The following PPM1H variants were observed in gnomAD, a reference collection of about 807,000 sequenced individuals.
PPM1H encodes protein phosphatase 1H.
Under a neutral mutation model 54.9 loss-of-function variants are expected in PPM1H, and 27 were observed. The ratio of observed to expected loss-of-function variants is 0.49; its 90% CI spans 0.36 to 0.68. The LOEUF (loss-of-function observed/expected upper bound fraction) is 0.68, where lower values mean the gene tolerates loss of function less well. Ranked by LOEUF, PPM1H falls within the 30% of genes least tolerant of loss-of-function variation. The pLI is 0.00. For synonymous variants in PPM1H, 305 were observed against 270.8 expected (o/e 1.13, Z -1.24); for missense variants, 596 against 667.8 (o/e 0.89, Z 1.19).
intron 1 of PPM1H, among the ~76,000 whole-genome samples, chr12:62,842,009 C>G (rs1039399032): frequency 6.6e-6 from 1 of 152,124 alleles, no homozygotes; most frequent in Non-Finnish European, 1.5e-5. Flanking sequence ...CCACCAATGT[C>G]CAACTTCCTT....
chr12:62,702,154 A>G (rs376500373), intron 6 of PPM1H, among the ~76,000 whole-genome samples: 3 of 152,208 alleles, frequency 2.0e-5, no homozygotes, highest in East Asian at 1.9e-4. Flanking sequence ...TACCTCTGAC[A>G]TATGTTTACC....
intron 1 of PPM1H, among the ~76,000 whole-genome samples, chr12:62,870,199 T>C (rs1057388703): frequency 2.0e-5 from 3 of 152,106 alleles, no homozygotes; most frequent in African/African-American, 4.8e-5. Flanking sequence ...AAAGCTGAGA[T>C]TGGAGATGCC....
intron 4 of PPM1H, among the ~76,000 whole-genome samples, chr12:62,747,129 A>G (rs529768997): frequency 3.1e-4 from 39 of 124,336 alleles, no homozygotes; most frequent in African/African-American, 1.3e-3. Context: ...TTTTTTAAAA[A>G]AGGTTTTTTT....
At chr12:62,803,044 C>T (rs1039988981) in intron 2 of PPM1H, among the ~76,000 whole-genome samples, 1 of 152,198 alleles carries the variant, frequency 6.6e-6, no homozygotes, top group Admixed American at 6.5e-5. Context: ...TCCCATCTTT[C>T]TTGGTCTACA....
At position 62,881,012 on chromosome 12, in the gene PPM1H, T is replaced by C. The variant is rs553118246; in HGVS notation, c.246-48733A>G. On this transcript the variant is annotated intron_variant, in intron 1 of 9. Transcript: ENST00000228705. ...CCACAGAACTCATCAGTTACTCCCC[T>C]CCACCCTCGAATGGTGTCCCCTTGT... Among the ~76,000 whole-genome samples the C allele has an allele frequency of 2.0e-5, 3 of 152,264 alleles. No individual in the cohort carries two copies. In the East Asian group the frequency reaches 5.8e-4, roughly 29 times the overall value.
At chr12:62,923,689 A>C (rs1871877202) in intron 1 of PPM1H, among the ~76,000 whole-genome samples, 1 of 152,206 alleles carries the variant, frequency 6.6e-6, no homozygotes, top group Non-Finnish European at 1.5e-5. Flanking sequence ...GGCATGAGCC[A>C]CTGAGCCTGG....
At chr12:62,798,534 G>C (rs530456184) in intron 3 of PPM1H, among the ~76,000 whole-genome samples, 32 of 152,264 alleles carry the variant, frequency 2.1e-4, no homozygotes, top group African/African-American at 6.0e-4. Flanking sequence ...GGCAGGTTGG[G>C]GACCTAGACA....
intron 4 of PPM1H, chr12:62,755,545 G>T (rs1389745267): frequency 7.6e-6 from 5 of 660,574 alleles, no homozygotes; most frequent in Non-Finnish European, 1.1e-5. Flanking sequence ...CATGGAGAAG[G>T]CTGGGACTCA....
At chr12:62,707,407 G>A (rs2076181936) in intron 6 of PPM1H, among the ~76,000 whole-genome samples, 1 of 152,138 alleles carries the variant, frequency 6.6e-6, no homozygotes, top group South Asian at 2.1e-4. Context: ...GGGATAACCA[G>A]GGGCAAAGAC....
At chr12:62,690,754 T>C (rs1296845429) in intron 7 of PPM1H, among the ~76,000 whole-genome samples, 1 of 152,128 alleles carries the variant, frequency 6.6e-6, no homozygotes, top group Admixed American at 6.5e-5. Context: ...GGTGGATCAC[T>C]TGAGGTCAGG....
chr12:62,811,861 C>T (rs1592611562), intron 2 of PPM1H, among the ~76,000 whole-genome samples: 1 of 152,326 alleles, frequency 6.6e-6, no homozygotes, highest in South Asian at 2.1e-4. Context: ...ATCACCCAAT[C>T]TCTGGTATGT....
chr12:62,728,781 G>A (rs887950570), intron 5 of PPM1H, among the ~76,000 whole-genome samples: 1 of 152,186 alleles, frequency 6.6e-6, no homozygotes, highest in Non-Finnish European at 1.5e-5. Context: ...ACCCCAGGGA[G>A]GGAAGCTAGC....
chr12:62,825,257 G>C (rs11608339), intron 2 of PPM1H, among the ~76,000 whole-genome samples: 1,655 of 152,280 alleles, frequency 0.011, 16 homozygotes, highest in Middle Eastern at 0.041. Flanking sequence ...AGAGGTTGTG[G>C]AGAAATAGGA....
intron 1 of PPM1H, among the ~76,000 whole-genome samples, chr12:62,930,558 C>T (rs960952409): frequency 6.6e-6 from 1 of 152,032 alleles, no homozygotes; most frequent in African/African-American, 2.4e-5. Context: ...TCTCTAAGAC[C>T]AACTGTTTCA....
chr12:62,704,677 G>C (rs1050814912), intron 6 of PPM1H, among the ~76,000 whole-genome samples: 4 of 152,334 alleles, frequency 2.6e-5, no homozygotes, highest in African/African-American at 9.6e-5. Flanking sequence ...ATAAACAGAA[G>C]AGGGCTGGTA....
At chr12:62,652,545 TTTTAA>T (rs2075822154) in intron 9 of PPM1H, among the ~76,000 whole-genome samples, 1 of 152,244 alleles carries the variant, frequency 6.6e-6, no homozygotes, top group African/African-American at 2.4e-5. Context: ...TATTTTGTGT[TTTTAA>T]TTTATTATGT....
At chr12:62,756,860 T>G (rs886538400) in intron 4 of PPM1H, among the ~76,000 whole-genome samples, 1 of 151,932 alleles carries the variant, frequency 6.6e-6, no homozygotes, top group Non-Finnish European at 1.5e-5. Flanking sequence ...AGGAACCAGT[T>G]GGACCTAGGA....
intron 6 of PPM1H, among the ~76,000 whole-genome samples, chr12:62,700,124 G>T (rs962778036): frequency 6.6e-6 from 1 of 151,670 alleles, no homozygotes; most frequent in African/African-American, 2.4e-5. Flanking sequence ...TTCAGCCTAG[G>T]TTCAGATTGC....
intron 6 of PPM1H, 87 bp downstream of exon 6, chr12:62,720,084 C>T (rs1296639648): frequency 3.4e-6 from 4 of 1,193,758 alleles, no homozygotes; most frequent in Non-Finnish European, 5.0e-6. Context: ...GCTTCCTGAT[C>T]CAAACTGTGT....
Sources: gnomAD v4.1 joint callset for allele counts (sites outside exome capture counted in the v4.1 genomes callset) on GRCh38, gnomAD v4.1.1 for gene constraint, MANE v1.5 for transcripts, NCBI Gene and HGNC (gene_info 2026-07-23, HGNC 2026-07-21) for gene names.